The following INSC variants were observed in gnomAD, a reference collection of about 807,000 sequenced individuals.
The protein encoded by INSC is INSC spindle orientation adaptor protein, also known as protein inscuteable homolog.
A neutral mutation model predicts 58.6 loss-of-function variants in INSC; 67 were observed. That is an observed-to-expected ratio of 1.14 (90% CI 0.94 to 1.40). INSC has a LOEUF of 1.40. INSC is among the 40% of genes most tolerant of loss of function. The pLI, the probability that INSC is intolerant of heterozygous loss-of-function variation, is 0.00. For missense variants in INSC, 714 were observed against 692.0 expected (o/e 1.03, Z -0.36); for synonymous variants, 262 against 276.1 (o/e 0.95, Z 0.51).
chr11:15,251,618 G>A (rs1223249612), downstream of INSC, among the ~76,000 whole-genome samples: 1 of 152,150 alleles, frequency 6.6e-6, no homozygotes, highest in East Asian at 1.9e-4. Flanking sequence ...TCCAAAGGAG[G>A]CATAGAAATG....
At chr11:15,200,531 G>A (rs73426535) in intron 6 of INSC, among the ~76,000 whole-genome samples, 2,624 of 152,104 alleles carry the variant, frequency 0.017, 76 homozygotes, top group African/African-American at 0.06. Context: ...GGTACTGATC[G>A]CCAGCCCTAG....
intron 2 of INSC, among the ~76,000 whole-genome samples, chr11:15,149,519 A>G (rs1848584121): frequency 1.3e-5 from 2 of 152,200 alleles, no homozygotes; most frequent in Non-Finnish European, 2.9e-5. Context: ...GTAACATAGA[A>G]GATGTCATAG....
At chr11:15,261,901 G>A in the INSC span, among the ~76,000 whole-genome samples, 7 of 152,216 alleles carry the variant, frequency 4.6e-5, no homozygotes, top group South Asian at 4.1e-4. Context: ...TTAGGTTCAC[G>A]TAATGGAGGT....
chr11:15,169,080 A>G (rs544968556), intron 2 of INSC, among the ~76,000 whole-genome samples: 26 of 152,076 alleles, frequency 1.7e-4, no homozygotes, highest in South Asian at 1.0e-3. Flanking sequence ...TTATGCTCAA[A>G]CTCGTAGACA....
At position 15,175,871 on chromosome 11, in the gene INSC, A is replaced by G; in HGVS notation, c.187A>G (p.Ile63Val). The stretch of plus-strand genomic sequence containing the variant: ...GGAAGAGGATGCACAGGGTGACCTC[A>G]TCCTGGCAGGTGGCCCTGGCCCTGG... ...SLEEDAQGDLILAGGPGPGDP... is the reference protein window; with the variant it reads ...SLEEDAQGDLVLAGGPGPGDP... Residue 63 changes from isoleucine (I) to valine (V), a missense_variant, in exon 3 of 13, where the codon ATC (isoleucine) becomes GTC (valine). Ile to Val is a conservative substitution (Grantham distance 29, BLOSUM62 3). Transcript: ENST00000379556. 1 of 1,614,068 alleles carries G rather than the reference A, an allele frequency of 6.2e-7. No homozygotes were observed.
chr11:15,201,449 T>C (rs1487919977), intron 7 of INSC, among the ~76,000 whole-genome samples: 1 of 152,114 alleles, frequency 6.6e-6, no homozygotes, highest in Non-Finnish European at 1.5e-5. Context: ...CCAGTCCAAG[T>C]GCTCACTGGG....
rs559946284 is a variant in INSC at position 15,246,023 on chromosome 11, G to A, written c.1582G>A (p.Glu528Lys). Residue 528 changes from glutamate (E) to lysine (K), a missense_variant, in exon 13 of 13, where the codon GAG becomes AAG. Physicochemically the swap from Glu to Lys is moderately conservative, Grantham distance 56. Transcript: ENST00000379556. ...CTCCTTCTTACTCTGCAGCAACATG[G>A]AGGAGAGTTTTGTGTAGTGAGTGTG... Reference protein sequence around the residue: ...VDSFLLCSNMEESFV With the variant: ...VDSFLLCSNMKESFV The A allele has an allele frequency of 3.1e-6, 5 of 1,614,146 alleles. No homozygotes were observed. In the East Asian group the frequency reaches 8.9e-5, roughly 29 times the overall value.
chr11:15,207,542 C>A (rs1243838458), intron 7 of INSC, among the ~76,000 whole-genome samples: 2 of 152,010 alleles, frequency 1.3e-5, no homozygotes, highest in African/African-American at 4.8e-5. Flanking sequence ...ATCAATAGGC[C>A]CTGACAGCTG....
chr11:15,192,148 T>C (rs925923053), intron 6 of INSC, among the ~76,000 whole-genome samples: 7 of 152,214 alleles, frequency 4.6e-5, no homozygotes, highest in African/African-American at 1.7e-4. Flanking sequence ...AGTTTCTCCC[T>C]CTCCCAGGCT....
chr11:15,180,173 G>A (rs908823152), intron 5 of INSC, among the ~76,000 whole-genome samples: 36 of 152,116 alleles, frequency 2.4e-4, no homozygotes, highest in Non-Finnish European at 2.2e-4. Context: ...CAGGAGAATG[G>A]TGTGAACCTG....
At chr11:15,147,866 G>A (rs1009696578) in intron 1 of INSC, among the ~76,000 whole-genome samples, 10 of 152,166 alleles carry the variant, frequency 6.6e-5, no homozygotes, top group Admixed American at 2.6e-4. Flanking sequence ...CACTATTAAA[G>A]TGCTCCTCCT....
chr11:15,235,991 GGTT>G (rs1852111811), intron 10 of INSC, among the ~76,000 whole-genome samples: 2 of 151,282 alleles, frequency 1.3e-5, no homozygotes, highest in African/African-American at 4.9e-5. Context: ...GGGAGGCGGA[GGTT>G]GCAGTGAGCT....
intron 2 of INSC, among the ~76,000 whole-genome samples, chr11:15,173,001 T>C (rs1253549764): frequency 6.6e-6 from 1 of 152,192 alleles, no homozygotes; most frequent in African/African-American, 2.4e-5. Context: ...TGTGAAGCAT[T>C]GGGGTTTTTG....
At chr11:15,267,437 G>T in the INSC span, among the ~76,000 whole-genome samples, 3 of 151,470 alleles carry the variant, frequency 2.0e-5, no homozygotes, top group Non-Finnish European at 3.0e-5. Context: ...CCCAGTTTTT[G>T]TTAAAATTTT....
intron 3 of INSC, 149 bp from the exon 4 acceptor site, chr11:15,176,962 C>T: frequency 1.5e-6 from 1 of 652,664 alleles, no homozygotes; most frequent in Non-Finnish European, 2.8e-6. Flanking sequence ...CTTTCACCAC[C>T]TGTATCACAC....
At chr11:15,208,733 A>C (rs1256472501) in intron 7 of INSC, among the ~76,000 whole-genome samples, 1 of 152,162 alleles carries the variant, frequency 6.6e-6, no homozygotes, top group Non-Finnish European at 1.5e-5. Context: ...CAGGTGCCTA[A>C]GTGCAGCAGT....
intron 11 of INSC, 125 bp downstream of exon 11, chr11:15,239,199 G>A: frequency 8.5e-7 from 1 of 1,181,976 alleles, no homozygotes. Context: ...CCTGTCTCTG[G>A]GGGCTCAGGG....
At chr11:15,187,076 C>A (rs1481139246) in intron 5 of INSC, among the ~76,000 whole-genome samples, 2 of 152,004 alleles carry the variant, frequency 1.3e-5, no homozygotes, top group Non-Finnish European at 2.9e-5. Context: ...GGAAGGATGA[C>A]CTTAGCTGAG....
chr11:15,173,394 G>A (rs1849467439), intron 2 of INSC, among the ~76,000 whole-genome samples: 1 of 152,154 alleles, frequency 6.6e-6, no homozygotes, highest in Non-Finnish European at 1.5e-5. Context: ...TACTTACTAG[G>A]TTAAAGTTAG....
Sources: gnomAD v4.1 joint callset for allele counts (sites outside exome capture counted in the v4.1 genomes callset) on GRCh38, gnomAD v4.1.1 for gene constraint, MANE v1.5 for transcripts, NCBI Gene and HGNC (gene_info 2026-07-23, HGNC 2026-07-21) for gene names.